The following PRIMPOL variants were observed in gnomAD, a reference collection of about 807,000 sequenced individuals.
The protein encoded by PRIMPOL is DNA-directed primase/polymerase protein.
PRIMPOL carries 54 observed loss-of-function variants against 63.6 expected under a neutral mutation model. That is an observed-to-expected ratio of 0.85 (90% CI 0.68 to 1.07). PRIMPOL has a LOEUF of 1.07. Among genes scored for constraint, PRIMPOL ranks in the 50% least tolerant of loss-of-function variants. PRIMPOL has a pLI of 0.00. For missense variants in PRIMPOL, 610 were observed against 648.3 expected (o/e 0.94, Z 0.64); for synonymous variants, 197 against 220.2 (o/e 0.89, Z 0.93).
At chr4:184,665,869 T>A (rs1462825743) in intron 5 of PRIMPOL, 48 bp from the exon 6 acceptor site, 1 of 1,340,366 alleles carries the variant, frequency 7.5e-7, no homozygotes. Context: ...TATAGAAAAA[T>A]TTTAAAACAA....
intron 7 of PRIMPOL, among the ~76,000 whole-genome samples, chr4:184,678,000 A>T (rs980365995): frequency 6.6e-6 from 1 of 152,202 alleles, no homozygotes; most frequent in Non-Finnish European, 1.5e-5. Context: ...CATTTGTTTC[A>T]GTTGCAGAAT....
intron 7 of PRIMPOL, among the ~76,000 whole-genome samples, chr4:184,674,442 C>T (rs967284248): frequency 1.1e-4 from 16 of 152,274 alleles, no homozygotes; most frequent in African/African-American, 3.6e-4. Flanking sequence ...CCGGACCCTC[C>T]CTCTGTCCCA....
At chr4:184,663,324 C>T (rs1340595282) in intron 5 of PRIMPOL, among the ~76,000 whole-genome samples, 5 of 152,058 alleles carry the variant, frequency 3.3e-5, no homozygotes, top group African/African-American at 9.7e-5. Flanking sequence ...GGATTATAGG[C>T]GCGAGCCATT....
intron 13 of PRIMPOL, among the ~76,000 whole-genome samples, chr4:184,692,170 G>A (rs1758757201): frequency 6.6e-6 from 1 of 152,010 alleles, no homozygotes; most frequent in African/African-American, 2.4e-5. Context: ...ATTGTAGAAT[G>A]AATTGAAAAT....
At chr4:184,678,424 T>A (rs543194434) in intron 8 of PRIMPOL, 30 bp downstream of exon 8, 1 of 1,504,880 alleles carries the variant, frequency 6.6e-7, no homozygotes, top group Admixed American at 2.0e-5. Context: ...AACCATTTTG[T>A]ATTCATGAAT....
At position 184,659,444 on chromosome 4, in the gene PRIMPOL, A is replaced by T; in HGVS notation, c.278+7A>T. 6.4e-7 allele frequency: 1 copy of T among 1,568,398 alleles called. No individual in the cohort carries two copies. Among genetic ancestry groups the T allele is most frequent in the Non-Finnish European group, 8.8e-7 (1 of 1,138,490 alleles). ...GGTTTTACTATAAATCCAGGTAGGTAGCATGCAGCAGAACCACACATTAAG... is the reference window on the plus strand; with the variant it reads ...GGTTTTACTATAAATCCAGGTAGGTTGCATGCAGCAGAACCACACATTAAG... On this transcript the variant is annotated splice_region_variant and intron_variant, in intron 4 of 13. Coordinates refer to ENST00000314970, the MANE Select transcript of PRIMPOL (RefSeq NM_152683.4).
chr4:184,668,263 C>T (rs1285736290), intron 6 of PRIMPOL, among the ~76,000 whole-genome samples: 3 of 152,206 alleles, frequency 2.0e-5, no homozygotes, highest in African/African-American at 4.8e-5. Flanking sequence ...ACATCTTCTC[C>T]GTGATGTGTG....
chr4:184,675,112 TCA>T (rs1344087300), intron 7 of PRIMPOL, among the ~76,000 whole-genome samples: 1 of 152,248 alleles, frequency 6.6e-6, no homozygotes, highest in Non-Finnish European at 1.5e-5. Flanking sequence ...ATGATTGGCA[TCA>T]CACTGTGTTG....
intron 2 of PRIMPOL, among the ~76,000 whole-genome samples, chr4:184,654,715 G>A (rs1246663325): frequency 1.3e-5 from 2 of 152,116 alleles, no homozygotes; most frequent in African/African-American, 4.8e-5. Flanking sequence ...GCCTCCGAAA[G>A]TGCTGGGATT....
chr4:184,658,397 C>T (rs1015421395), intron 3 of PRIMPOL, among the ~76,000 whole-genome samples: 6 of 152,054 alleles, frequency 3.9e-5, no homozygotes, highest in Non-Finnish European at 7.4e-5. Context: ...TGCTAATCAC[C>T]AGTCTATAAA....
intron 4 of PRIMPOL, among the ~76,000 whole-genome samples, chr4:184,661,022 A>AT (rs1475599636): frequency 6.6e-6 from 1 of 152,206 alleles, no homozygotes; most frequent in African/African-American, 2.4e-5. Context: ...TTTTTAAGCA[A>AT]TTTTTAAAAT....
chr4:184,652,698 T>C (rs756784522), intron 2 of PRIMPOL, among the ~76,000 whole-genome samples: 2 of 152,290 alleles, frequency 1.3e-5, no homozygotes, highest in Non-Finnish European at 2.9e-5. Context: ...AGAAAAGGGA[T>C]TATATTAAGA....
chr4:184,685,680 ATAATG>A lies in PRIMPOL; in HGVS notation c.1295_1295+4del. On this transcript the variant is annotated splice_donor_variant and coding_sequence_variant, in exon 11 of 14. Transcript: ENST00000314970. LOFTEE classifies it high-confidence loss of function. The stretch of plus-strand genomic sequence containing the variant: ...TGGAAGAGCCCATAAGAGTAATAAT[ATAATG>A]TAAGTAATATTAATGATTTGTGTGT... 1 of 1,382,798 alleles carries A rather than the reference ATAATG, an allele frequency of 7.2e-7. No individual in the cohort carries two copies. Among genetic ancestry groups the A allele is most frequent in the South Asian group, 1.2e-5 (1 of 82,606 alleles). 85.7% of individuals were successfully genotyped at this position (1,382,798 alleles called of 1,614,324 possible). A position where few individuals can be genotyped will look rare whatever the true frequency, so the allele number is the denominator to read the frequency against.
chr4:184,674,193 G>A (rs1343949844), intron 7 of PRIMPOL, among the ~76,000 whole-genome samples: 1 of 152,172 alleles, frequency 6.6e-6, no homozygotes, highest in Non-Finnish European at 1.5e-5. Flanking sequence ...CTTGATACAT[G>A]TGCCTGGATT....
chr4:184,664,248 C>T (rs530478706), intron 5 of PRIMPOL, among the ~76,000 whole-genome samples: 15 of 152,232 alleles, frequency 9.9e-5, no homozygotes, highest in Non-Finnish European at 2.1e-4. Flanking sequence ...AAGTCGACTT[C>T]ATTCATCAAA....
intron 11 of PRIMPOL, among the ~76,000 whole-genome samples, chr4:184,690,660 A>G (rs973452422): frequency 3.3e-5 from 5 of 152,030 alleles, no homozygotes; most frequent in Admixed American, 6.6e-5. Context: ...GGGTTTCACT[A>G]TGTTGGCCAG....
intron 9 of PRIMPOL, 80 bp from the exon 10 acceptor site, chr4:184,685,329 T>A: frequency 9.6e-7 from 1 of 1,041,006 alleles, no homozygotes; most frequent in Middle Eastern, 2.6e-4. Context: ...AACCCGTAAT[T>A]GTGCTCAACA....
intron 6 of PRIMPOL, among the ~76,000 whole-genome samples, chr4:184,667,590 G>A (rs551756859): frequency 1.8e-4 from 28 of 152,166 alleles, no homozygotes; most frequent in Non-Finnish European, 3.5e-4. Context: ...GATTACAGGC[G>A]TGAGCCACCG....
At chr4:184,678,714 G>C (rs1326909867) in intron 8 of PRIMPOL, among the ~76,000 whole-genome samples, 1 of 151,834 alleles carries the variant, frequency 6.6e-6, no homozygotes, top group Non-Finnish European at 1.5e-5. Context: ...TTTTAGTAGA[G>C]ATGGGGTTTC....
Sources: allele counts gnomAD v4.1 joint callset (sites outside exome capture counted in the v4.1 genomes callset), GRCh38; gene constraint gnomAD v4.1.1; transcripts MANE v1.5; gene names NCBI Gene and HGNC (gene_info 2026-07-23, HGNC 2026-07-21).